The following KLF15 variants were observed in gnomAD, a reference collection of about 807,000 sequenced individuals.
The protein encoded by KLF15 is KLF transcription factor 15.
In KLF15, 4 loss-of-function variants were observed where a neutral mutation model predicts 24.6. The ratio of observed to expected loss-of-function variants is 0.16; its 90% CI spans 0.08 to 0.37. The LOEUF (loss-of-function observed/expected upper bound fraction) is 0.37. Among genes scored for constraint, KLF15 ranks in the 10% least tolerant of loss-of-function variants. The probability of loss-of-function intolerance (pLI) is 1.00; values close to 1 mark genes in which losing one functional copy is unlikely to be tolerated. For synonymous variants in KLF15, 246 were observed against 236.3 expected (o/e 1.04, Z -0.37); for missense variants, 496 against 560.6 (o/e 0.88, Z 1.16).
chr3:126,329,319 A>T, the KLF15 span, among the ~76,000 whole-genome samples: 1 of 152,082 alleles, frequency 6.6e-6, no homozygotes, highest in Admixed American at 6.6e-5. Flanking sequence ...ACACCACATT[A>T]AAAAAATGTT....
rs2082593222 is a variant in KLF15 at position 126,352,544 on chromosome 3, A to G, written c.379T>C (p.Leu127=). 3.1e-6 allele frequency: 5 copies of G among 1,612,782 alleles called. No individual in the cohort carries two copies. In the South Asian group the frequency reaches 3.3e-5, roughly 11 times the overall value. ...CGTGGGACGTCATCAGGATCACCCA[A>G]AGGAAACTCGGGCAAGCAGAAATGC... The part of the protein sequence containing the change: ...GEHFCLPEFP[L]GDPDDVPRPF... The change falls in exon 2 of 3, where the codon TTG becomes CTG. Residue 127 remains leucine, a synonymous_variant. Coordinates refer to ENST00000296233, the MANE Select transcript of KLF15 (RefSeq NM_014079.4).
chr3:126,289,661 G>A, the KLF15 span, among the ~76,000 whole-genome samples: 1 of 152,098 alleles, frequency 6.6e-6, no homozygotes, highest in African/African-American at 2.4e-5. Context: ...TTTATTTATC[G>A]TAAGCATAGG....
the KLF15 span, among the ~76,000 whole-genome samples, chr3:126,327,362 G>C: frequency 6.6e-6 from 1 of 152,278 alleles, no homozygotes; most frequent in Non-Finnish European, 1.5e-5. Context: ...CCTGAACAGA[G>C]GCAGGACATG....
chr3:126,293,953 G>GC, the KLF15 span: 1 of 152,350 alleles, frequency 6.6e-6, no homozygotes, highest in African/African-American at 2.4e-5. Flanking sequence ...CGGCAGGCAG[G>GC]CCCCTCCCAG....
chr3:126,337,320 G>C, the KLF15 span, among the ~76,000 whole-genome samples: 1 of 138,078 alleles, frequency 7.2e-6, no homozygotes, highest in East Asian at 2.1e-4. Flanking sequence ...GTAAACTATC[G>C]CAAGAACAAA....
chr3:126,320,165 A>G, the KLF15 span, among the ~76,000 whole-genome samples: 3 of 152,194 alleles, frequency 2.0e-5, no homozygotes, highest in Non-Finnish European at 2.9e-5. Flanking sequence ...AGACTCTGAC[A>G]AACTGGAGAT....
the KLF15 span, among the ~76,000 whole-genome samples, chr3:126,309,309 C>T: frequency 2.0e-5 from 3 of 152,230 alleles, no homozygotes; most frequent in Non-Finnish European, 4.4e-5. Context: ...AGCCACTTCT[C>T]CAGGTCAGCG....
chr3:126,337,992 G>A (rs1471078189), downstream of KLF15, among the ~76,000 whole-genome samples: 1 of 152,230 alleles, frequency 6.6e-6, no homozygotes, highest in Non-Finnish European at 1.5e-5. Context: ...CCAGTGTAGT[G>A]CACTCCAGCC....
At chr3:126,297,988 T>C in the KLF15 span, among the ~76,000 whole-genome samples, 4 of 152,242 alleles carry the variant, frequency 2.6e-5, no homozygotes, top group Admixed American at 1.3e-4. Context: ...CTGGATCAAA[T>C]TGTAGTTCTA....
the KLF15 span, among the ~76,000 whole-genome samples, chr3:126,309,257 A>T: frequency 6.6e-6 from 1 of 152,248 alleles, no homozygotes; most frequent in Admixed American, 6.5e-5. Context: ...CTCTGAGAGG[A>T]AAGTGGAAGG....
At chr3:126,310,865 G>A in the KLF15 span, among the ~76,000 whole-genome samples, 14 of 152,198 alleles carry the variant, frequency 9.2e-5, no homozygotes, top group African/African-American at 3.4e-4. Flanking sequence ...ACACAATGCA[G>A]CTCACAATGG....
intron 2 of KLF15, among the ~76,000 whole-genome samples, chr3:126,345,209 G>A (rs955316126): frequency 5.3e-5 from 8 of 152,134 alleles, no homozygotes; most frequent in African/African-American, 1.7e-4. Flanking sequence ...GGCTCCTGTG[G>A]CATTACACAC....
chr3:126,310,006 A>G, the KLF15 span, among the ~76,000 whole-genome samples: 7 of 152,324 alleles, frequency 4.6e-5, no homozygotes, highest in African/African-American at 1.2e-4. Flanking sequence ...ACAGAAATGC[A>G]TTTCTCCCAG....
In KLF15 at chr3:126,343,446, G is replaced by A. The variant is rs888153156; in HGVS notation, c.*281C>T. On this transcript the variant is annotated 3_prime_UTR_variant, in exon 3 of 3. Coordinates refer to ENST00000296233, the MANE Select transcript of KLF15 (RefSeq NM_014079.4). Reference sequence around the variant, plus strand: ...GCCTGCAACCAGCGGCTGCAGCAGAGGCCTGGCCACCGCGGGAAGGCACGA... The same window carrying A: ...GCCTGCAACCAGCGGCTGCAGCAGAAGCCTGGCCACCGCGGGAAGGCACGA... The A allele has an allele frequency of 2.5e-6, 1 of 405,648 alleles. No homozygotes were observed. The allele number at this position is 405,648 out of a possible 1,614,324, so 25.1% of individuals were successfully genotyped here.
At chr3:126,296,870 A>C in the KLF15 span, among the ~76,000 whole-genome samples, 1 of 152,224 alleles carries the variant, frequency 6.6e-6, no homozygotes, top group African/African-American at 2.4e-5. Flanking sequence ...TATATACTTT[A>C]GGGTATTAAC....
chr3:126,290,506 A>ACCCTCCTT, the KLF15 span, among the ~76,000 whole-genome samples: 1 of 144,604 alleles, frequency 6.9e-6, no homozygotes, highest in South Asian at 2.3e-4. Flanking sequence ...CTTCCTTCCT[A>ACCCTCCTT]CCTTCCTTCC....
chr3:126,341,245 AC>A (rs2082477291), downstream of KLF15, among the ~76,000 whole-genome samples: 1 of 151,722 alleles, frequency 6.6e-6, no homozygotes, highest in Non-Finnish European at 1.5e-5. Context: ...CACTAAGACC[AC>A]CCCTTACACA....
At chr3:126,292,215 A>G in the KLF15 span, among the ~76,000 whole-genome samples, 1 of 152,128 alleles carries the variant, frequency 6.6e-6, no homozygotes, top group Non-Finnish European at 1.5e-5. Context: ...CTGGGGTCCC[A>G]GTTCCCACAC....
the KLF15 span, among the ~76,000 whole-genome samples, chr3:126,304,438 C>A: frequency 7.9e-5 from 12 of 152,282 alleles, no homozygotes; most frequent in African/African-American, 2.6e-4. Flanking sequence ...TCCCTCTAAT[C>A]TTTTCTAATG....
Sources: gnomAD v4.1 joint callset for allele counts (sites outside exome capture counted in the v4.1 genomes callset) on GRCh38, gnomAD v4.1.1 for gene constraint, MANE v1.5 for transcripts, NCBI Gene and HGNC (gene_info 2026-07-23, HGNC 2026-07-21) for gene names.